Variants in WNT7B observed in about 807,000 individuals in gnomAD.
WNT7B encodes protein Wnt-7b.
A neutral mutation model predicts 38.2 loss-of-function variants in WNT7B; 19 were observed. The observed-to-expected ratio is 0.50, with a 90% CI of 0.35 to 0.73. The LOEUF is 0.73. WNT7B is among the 30% of genes least tolerant of loss of function. The probability of loss-of-function intolerance (pLI) is 0.01; values close to 1 mark genes in which losing one functional copy is unlikely to be tolerated. For missense variants in WNT7B, 423 were observed against 507.9 expected (o/e 0.83, Z 1.61); for synonymous variants, 243 against 209.3 (o/e 1.16, Z -1.39).
At chr22:45,929,401 CATCCACCCGTGA>C in intron 3 of WNT7B, among the ~76,000 whole-genome samples, 1 of 141,062 alleles carries the variant, frequency 7.1e-6, no homozygotes, top group East Asian at 1.9e-4. Flanking sequence ...TCCATCCTTC[CATCCACCCGTGA>C]ATCCACTCAT....
intron 2 of WNT7B, among the ~76,000 whole-genome samples, chr22:45,933,016 T>G (rs533627972): frequency 6.6e-6 from 1 of 152,224 alleles, no homozygotes; most frequent in Non-Finnish European, 1.5e-5. Flanking sequence ...CTAGGGGCTG[T>G]GTGCATGCTC....
rs758634135 is a variant in WNT7B, at chr22:45,951,323, C to T, written c.72-1177G>A. 6.6e-5 allele frequency among the ~76,000 whole-genome samples: 10 copies of T among 151,452 alleles called. No individual in the cohort carries two copies. Among genetic ancestry groups the T allele is most frequent in the Non-Finnish European group, 1.2e-4 (8 of 68,004 alleles). ...AACTCCTGACCTCAGGTCATCTGCCCGCCTCGGCCTCCCAAAATGCTGGGA... is the reference window on the plus strand; with the variant it reads ...AACTCCTGACCTCAGGTCATCTGCCTGCCTCGGCCTCCCAAAATGCTGGGA... On this transcript the variant is annotated intron_variant, in intron 1 of 3. Coordinates refer to ENST00000339464, the MANE Select transcript of WNT7B (RefSeq NM_058238.3). The surrounding 1 kb of genome is among the most constrained non-coding windows in gnomAD (Gnocchi z 4.8).
intron 2 of WNT7B, among the ~76,000 whole-genome samples, chr22:45,933,463 T>C (rs1931430839): frequency 6.6e-6 from 1 of 152,056 alleles, no homozygotes; most frequent in African/African-American, 2.4e-5. Context: ...GGGAAGCCCA[T>C]GCATGAGGTG....
intron 2 of WNT7B, among the ~76,000 whole-genome samples, chr22:45,938,377 C>T (rs901435773): frequency 6.6e-6 from 1 of 152,094 alleles, no homozygotes. Flanking sequence ...TGGCTCACAC[C>T]TGTAATCTCA....
chr22:45,946,511 G>A (rs1252238941), intron 2 of WNT7B, among the ~76,000 whole-genome samples: 4 of 152,194 alleles, frequency 2.6e-5, no homozygotes, highest in Admixed American at 6.5e-5. Flanking sequence ...AACACTGCTC[G>A]GCTGGGGACA....
At chr22:45,932,134 G>A (rs539766312) in intron 2 of WNT7B, among the ~76,000 whole-genome samples, 16 of 152,266 alleles carry the variant, frequency 1.1e-4, no homozygotes, top group African/African-American at 3.8e-4. Context: ...AGGGCAGTCT[G>A]GCCAGGTCCC....
At position 45,950,046 on chromosome 22, in the gene WNT7B, C is replaced by T; in HGVS notation, c.172G>A (p.Ala58Thr). 6.2e-7 allele frequency: 1 copy of T among 1,614,040 alleles called. No homozygotes were observed. The highest frequency in any genetic ancestry group is 1.3e-5 in the African/African-American group (1 of 75,084). The change falls in exon 2 of 4, where the codon GCC becomes ACC. Residue 58 changes from alanine (A) to threonine (T), a missense_variant. Ala to Thr is a moderately conservative substitution (Grantham distance 58, BLOSUM62 0). Transcript: ENST00000339464. Reference sequence around the variant, plus strand: ...GCCCCCTCCCCAATCACAATGATGGCATCGGGCCGACTCTGGCAGATGGCA... The same window carrying T: ...GCCCCCTCCCCAATCACAATGATGGTATCGGGCCGACTCTGGCAGATGGCA... ...QRAICQSRPD[A>T]IIVIGEGAQM...
chr22:45,928,306 G>A (rs1397260447), intron 3 of WNT7B, among the ~76,000 whole-genome samples: 4 of 152,120 alleles, frequency 2.6e-5, no homozygotes, highest in Admixed American at 1.3e-4. Context: ...AAGTTCCAAA[G>A]CCCCACCCTA....
At chr22:45,964,216 C>A (rs995515704) in intron 1 of WNT7B, among the ~76,000 whole-genome samples, 2 of 152,056 alleles carry the variant, frequency 1.3e-5, no homozygotes, top group Non-Finnish European at 2.9e-5. Flanking sequence ...GCTCTCTCCA[C>A]AACACCAGCC....
intron 1 of WNT7B, among the ~76,000 whole-genome samples, chr22:45,964,547 C>G (rs568789887): frequency 7.5e-4 from 114 of 152,288 alleles, no homozygotes; most frequent in Middle Eastern, 3.4e-3. Flanking sequence ...AACACTTCCC[C>G]GTCAGTGGTG....
intron 3 of WNT7B, chr22:45,926,514 G>C: frequency 1.0e-6 from 1 of 985,456 alleles, no homozygotes; most frequent in Non-Finnish European, 1.2e-6. Flanking sequence ...GGAGTCATGG[G>C]GTTGGTGGAC....
rs1931359055 is a variant in WNT7B at position 45,931,507 on chromosome 22, CCTCTGACT to C, written c.299-146_299-139del. On this transcript the variant is annotated intron_variant, in intron 2 of 3. Coordinates refer to ENST00000339464, the MANE Select transcript of WNT7B (RefSeq NM_058238.3). Reference sequence around the variant, plus strand: ...GGGCTCATCGCTCGCCCCCTCTGTGCCTCTGACTCACCAAAGCGGGGCTGATGGGAGCC... The same window carrying C: ...GGGCTCATCGCTCGCCCCCTCTGTGCCACCAAAGCGGGGCTGATGGGAGCC... 3.7e-6 allele frequency: 4 copies of C among 1,077,618 alleles called. No individual in the cohort carries two copies. The South Asian group carries it at 6.6e-5, about 18-fold the overall frequency. 66.8% of individuals were successfully genotyped at this position (1,077,618 alleles called of 1,614,324 possible). A position where few individuals can be genotyped will look rare whatever the true frequency, so the allele number is the denominator to read the frequency against.
rs1409797517 is a variant in WNT7B, at chr22:45,948,063, C to A, written c.298+1857G>T. On this transcript the variant is annotated intron_variant, in intron 2 of 3. Transcript: ENST00000339464. ...GCAGCAGGACGATTTCCACGTCTGCCCCTCTCCTGGCGCAGCGAGGCAGCA... is the reference window on the plus strand; with the variant it reads ...GCAGCAGGACGATTTCCACGTCTGCACCTCTCCTGGCGCAGCGAGGCAGCA... 2.6e-5 allele frequency among the ~76,000 whole-genome samples: 4 copies of A among 152,322 alleles called. No homozygotes were observed. The East Asian group carries it at 7.7e-4, about 29-fold the overall frequency.
At chr22:45,929,872 CCAACCATCTACCCACTCATCCACT>C in intron 3 of WNT7B, among the ~76,000 whole-genome samples, 1 of 117,706 alleles carries the variant, frequency 8.5e-6, no homozygotes, top group African/African-American at 3.5e-5. Flanking sequence ...ATCCATCCAT[CCAACCATCTACCCACTCATCCACT>C]CATCTATCTA....
rs550891875 is a variant in WNT7B at position 45,922,586 on chromosome 22, G to A, written c.*270C>T. 1.6e-5 allele frequency: 8 copies of A among 496,172 alleles called. No individual in the cohort carries two copies. Among genetic ancestry groups the A allele is most frequent in the African/African-American group, 7.7e-5 (4 of 52,264 alleles). 30.7% of individuals were successfully genotyped at this position (496,172 alleles called of 1,614,324 possible). A position where few individuals can be genotyped will look rare whatever the true frequency, so the allele number is the denominator to read the frequency against. The stretch of plus-strand genomic sequence containing the variant: ...GAAAGAGAACTTGCCGGGCCCCGTC[G>A]GGGAGCACCAAGACCCCTGGCCTTG... On this transcript the variant is annotated 3_prime_UTR_variant, in exon 4 of 4. Coordinates refer to ENST00000339464, the MANE Select transcript of WNT7B (RefSeq NM_058238.3).
At chr22:45,955,713 G>A (rs1207143874) in intron 1 of WNT7B, among the ~76,000 whole-genome samples, 1 of 152,234 alleles carries the variant, frequency 6.6e-6, no homozygotes, top group African/African-American at 2.4e-5. Flanking sequence ...GGGATGGGCA[G>A]GTTGCAAGTC....
intron 1 of WNT7B, among the ~76,000 whole-genome samples, chr22:45,961,991 G>C (rs915755649): frequency 3.3e-5 from 5 of 152,226 alleles, no homozygotes; most frequent in African/African-American, 1.2e-4. Flanking sequence ...GCTCTGCTCA[G>C]CTCTTGGCTC....
chr22:45,945,458 G>C (rs990667817), intron 2 of WNT7B, among the ~76,000 whole-genome samples: 2 of 152,216 alleles, frequency 1.3e-5, no homozygotes, highest in African/African-American at 4.8e-5. Flanking sequence ...ATCAGTAGAA[G>C]AGTTATTCAA....
intron 3 of WNT7B, chr22:45,927,589 A>T (rs1931128984): frequency 2.0e-6 from 2 of 1,024,316 alleles, no homozygotes; most frequent in Admixed American, 2.0e-5. Context: ...ATCCAATGAG[A>T]GTGTCCATAT....
Sources: allele counts gnomAD v4.1 joint callset (sites outside exome capture counted in the v4.1 genomes callset), GRCh38; gene constraint gnomAD v4.1.1; non-coding constraint Gnocchi (gnomAD v3.1); transcripts MANE v1.5; gene names NCBI Gene and HGNC (gene_info 2026-07-23, HGNC 2026-07-21).